The following PTPRG variants were observed in gnomAD, a reference collection of about 807,000 sequenced individuals.
PTPRG encodes receptor-type tyrosine-protein phosphatase gamma.
PTPRG carries 102 observed loss-of-function variants against 165.3 expected under a neutral mutation model. That is an observed-to-expected ratio of 0.62 (90% CI 0.53 to 0.73). PTPRG has a LOEUF of 0.73. Among genes scored for constraint, PTPRG ranks in the 30% least tolerant of loss-of-function variants. PTPRG has a pLI of 0.00. For synonymous variants in PTPRG, 675 were observed against 669.5 expected (o/e 1.01, Z -0.13); for missense variants, 1,866 against 1,861.4 (o/e 1.00, Z -0.05).
chr3:61,852,196 G>A lies in PTPRG; in HGVS notation c.190+103214G>A, dbSNP rs146531153. Among the ~76,000 whole-genome samples the A allele has an allele frequency of 1.7e-3, 266 of 152,172 alleles. 2 individuals carry two copies. Among genetic ancestry groups the A allele is most frequent in the Non-Finnish European group, 1.5e-3 (101 of 68,008 alleles). Reference sequence around the variant, plus strand: ...TGATACTACTTTTCTCTCTCTTTGCGTCTGTCCTTCACTAAACATAATCTT... The same window carrying A: ...TGATACTACTTTTCTCTCTCTTTGCATCTGTCCTTCACTAAACATAATCTT... On this transcript the variant is annotated intron_variant, in intron 2 of 29. Coordinates refer to ENST00000474889, the MANE Select transcript of PTPRG (RefSeq NM_002841.4).
chr3:62,071,088 T>C (rs1013720028), intron 4 of PTPRG, among the ~76,000 whole-genome samples: 3 of 152,228 alleles, frequency 2.0e-5, no homozygotes, highest in African/African-American at 4.8e-5. Context: ...TGTTCTTTTC[T>C]GTAGCTTTTG....
chr3:61,626,954 C>T (rs556991366), intron 1 of PTPRG, among the ~76,000 whole-genome samples: 1 of 152,266 alleles, frequency 6.6e-6, no homozygotes, highest in Admixed American at 6.5e-5. Flanking sequence ...GGGAATTCTA[C>T]ACTACAAATG....
At chr3:61,644,566 C>T (rs535025690) in intron 1 of PTPRG, among the ~76,000 whole-genome samples, 27 of 152,216 alleles carry the variant, frequency 1.8e-4, no homozygotes, top group African/African-American at 5.5e-4. Context: ...ATACGCATCT[C>T]GTATTTGTGC....
rs35133425 is a variant in PTPRG at position 62,186,567 on chromosome 3, CTTT to C, written c.1034-4887_1034-4885del. On this transcript the variant is annotated intron_variant, in intron 8 of 29. Transcript: ENST00000474889. ...GTTGAAGCTGGATTTTTTTCTTTTC[CTTT>C]TTTTTTTTTTTTTTGAGATAGGGTC... Among the ~76,000 whole-genome samples the C allele has an allele frequency of 2.6e-3, 307 of 117,500 alleles. 3 individuals carry two copies. The highest frequency in any genetic ancestry group is 0.01 in the African/African-American group (290 of 28,768). The allele number at this position is 117,500 out of a possible 152,430, so 77.1% of individuals were successfully genotyped here. A position where few individuals can be genotyped will look rare whatever the true frequency, so the allele number is the denominator to read the frequency against.
At chr3:62,162,415 CTTTCA>C (rs1704802252) in intron 7 of PTPRG, among the ~76,000 whole-genome samples, 1 of 152,182 alleles carries the variant, frequency 6.6e-6, no homozygotes, top group Non-Finnish European at 1.5e-5. Flanking sequence ...GAAATAAAAA[CTTTCA>C]TTTATTTTTA....
chr3:62,180,755 A>G (rs1390076083), intron 8 of PTPRG, among the ~76,000 whole-genome samples: 1 of 152,022 alleles, frequency 6.6e-6, no homozygotes, highest in Non-Finnish European at 1.5e-5. Flanking sequence ...GGACATGGAC[A>G]CCTCCCATGG....
In PTPRG at chr3:62,289,514, C is replaced by T. The variant is rs368963407; in HGVS notation, c.4056-2907C>T. ...TGCAAAAATGACAATAAAAAGCTGT[C>T]TAATAAAACCCAGTATATTAAAAGA... is the stretch of plus-strand genomic sequence containing the variant. On this transcript the variant is annotated intron_variant, in intron 28 of 29. Coordinates refer to ENST00000474889, the MANE Select transcript of PTPRG (RefSeq NM_002841.4). Among the ~76,000 whole-genome samples, 12 of 152,084 alleles carry T rather than the reference C, an allele frequency of 7.9e-5. No homozygotes were observed. The East Asian group carries it at 1.9e-3, about 25-fold the overall frequency.
At chr3:62,051,375 C>A (rs1305075699) in intron 4 of PTPRG, among the ~76,000 whole-genome samples, 2 of 152,154 alleles carry the variant, frequency 1.3e-5, no homozygotes, top group African/African-American at 4.8e-5. Context: ...TTTCAGCAAG[C>A]CTCCCAGTGA....
chr3:62,283,430 A>C (rs191257168), intron 28 of PTPRG, among the ~76,000 whole-genome samples: 14 of 152,250 alleles, frequency 9.2e-5, no homozygotes, highest in Admixed American at 2.6e-4. Context: ...TCTAAGTGTC[A>C]CAATGGTATC....
chr3:61,654,741 CCTT>C (rs1193161465), intron 1 of PTPRG, among the ~76,000 whole-genome samples: 2 of 150,658 alleles, frequency 1.3e-5, no homozygotes, highest in African/African-American at 2.4e-5. Context: ...AATGGGTTGA[CCTT>C]CTATGCTGCT....
chr3:62,013,893 C>T (rs1018000924), intron 4 of PTPRG, among the ~76,000 whole-genome samples: 3 of 151,848 alleles, frequency 2.0e-5, no homozygotes, highest in Non-Finnish European at 2.9e-5. Flanking sequence ...CTTCCAAGCT[C>T]GGGAACTCAA....
At chr3:61,659,093 C>G (rs113724496) in intron 1 of PTPRG, among the ~76,000 whole-genome samples, 1 of 152,140 alleles carries the variant, frequency 6.6e-6, no homozygotes, top group Non-Finnish European at 1.5e-5. Flanking sequence ...TGCCCAAGAC[C>G]TAGCAGACAC....
chr3:61,856,697 A>G (rs192671127), intron 2 of PTPRG, among the ~76,000 whole-genome samples: 1 of 152,332 alleles, frequency 6.6e-6, no homozygotes, highest in East Asian at 1.9e-4. Flanking sequence ...TCATTAACAA[A>G]CAACTCTAAC....
chr3:61,611,292 A>G (rs1157673967), intron 1 of PTPRG, among the ~76,000 whole-genome samples: 1 of 152,194 alleles, frequency 6.6e-6, no homozygotes, highest in Non-Finnish European at 1.5e-5. Context: ...ACCTGGAATA[A>G]GGTGAATAAC....
At chr3:61,654,088 C>T (rs1702443594) in intron 1 of PTPRG, among the ~76,000 whole-genome samples, 1 of 152,126 alleles carries the variant, frequency 6.6e-6, no homozygotes, top group Non-Finnish European at 1.5e-5. Context: ...TACCTAATCT[C>T]TTCGGACCTC....
intron 4 of PTPRG, among the ~76,000 whole-genome samples, chr3:62,040,110 A>G (rs1197303044): frequency 3.9e-5 from 6 of 152,256 alleles, no homozygotes; most frequent in African/African-American, 1.2e-4. Context: ...GCATCTGTGT[A>G]TAAAATATAG....
At chr3:62,150,225 A>G (rs1429749322) in intron 6 of PTPRG, among the ~76,000 whole-genome samples, 1 of 152,252 alleles carries the variant, frequency 6.6e-6, no homozygotes, top group African/African-American at 2.4e-5. Flanking sequence ...TGTTCTGGAC[A>G]GAGTGAAGAG....
intron 1 of PTPRG, among the ~76,000 whole-genome samples, chr3:61,675,912 G>C (rs73095548): frequency 6.6e-6 from 1 of 152,064 alleles, no homozygotes; most frequent in African/African-American, 2.4e-5. Context: ...GTGTCATTCC[G>C]TGGTAGCATG....
rs577805276 is a variant in PTPRG, at chr3:62,064,885, C to T, written c.520-13278C>T. Among the ~76,000 whole-genome samples, 5 of 152,054 alleles carry T rather than the reference C, an allele frequency of 3.3e-5. No individual in the cohort carries two copies. In the East Asian group the frequency reaches 7.8e-4, roughly 24 times the overall value. On this transcript the variant is annotated intron_variant, in intron 4 of 29. Coordinates refer to ENST00000474889, the MANE Select transcript of PTPRG (RefSeq NM_002841.4). ...GTAGCGTGATTACAGGCGCGTGCCA[C>T]CACGCCAAGCTAATTTTTTGTATTT...
Sources: gnomAD v4.1 joint callset for allele counts (sites outside exome capture counted in the v4.1 genomes callset) on GRCh38, gnomAD v4.1.1 for gene constraint, MANE v1.5 for transcripts, NCBI Gene and HGNC (gene_info 2026-07-23, HGNC 2026-07-21) for gene names.